ARHGEF16: variants seen among roughly 807,000 people sequenced by gnomAD.
The protein encoded by ARHGEF16 is Rho guanine exchange factor (GEF) 16.
ARHGEF16 carries 59 observed loss-of-function variants against 74.1 expected under a neutral mutation model. That is an observed-to-expected ratio of 0.80 (90% CI 0.65 to 0.99). The LOEUF is 0.99. Ranked by LOEUF, ARHGEF16 falls within the 50% of genes least tolerant of loss-of-function variation. ARHGEF16 has a pLI of 0.00. For missense variants in ARHGEF16, 948 were observed against 986.6 expected, an observed-to-expected ratio of 0.96 and a Z score of 0.52; for synonymous variants, 415 against 412.6, an observed-to-expected ratio of 1.01 and a Z score of -0.07.
intron 2 of ARHGEF16, among the ~76,000 whole-genome samples, chr1:3,465,506 A>C (rs1273856711): frequency 6.6e-6 from 1 of 152,172 alleles, no homozygotes; most frequent in African/African-American, 2.4e-5. Flanking sequence ...GTGCCAGGCC[A>C]GGTACAGCTG....
Position 3,478,530 on chromosome 1 carries a change from T to C in ARHGEF16, c.1732T>C (p.Ser578Pro). The change falls in exon 12 of 15, where the codon TCC becomes CCC. Residue 578 changes from serine (S) to proline (P), a missense_variant. By Grantham distance (74) the Ser-to-Pro change is moderately conservative (BLOSUM62 -1). Transcript: ENST00000378378. ...PLPGGGNRSSSVPHPFQVTLL... is the reference protein window; with the variant it reads ...PLPGGGNRSSPVPHPFQVTLL... ...GCCCGGGGGCGGCAACCGTAGCTCC[T>C]CCGTGCCCCACCCCTTCCAGGTGAC... 6.2e-7 allele frequency: 1 copy of C among 1,612,620 alleles called. No individual in the cohort carries two copies. The highest frequency in any genetic ancestry group is 8.5e-7 in the Non-Finnish European group (1 of 1,179,860).
At position 3,463,436 on chromosome 1, in the gene ARHGEF16, G is replaced by C. The variant is rs769511866; in HGVS notation, c.352G>C (p.Ala118Pro). Residue 118 changes from alanine (A) to proline (P), a missense_variant, in exon 2 of 15, where the codon GCC becomes CCC. Coordinates refer to ENST00000378378, the MANE Select transcript of ARHGEF16 (RefSeq NM_014448.4). ...FGAAVLSREA[A>P]RRDPKLLPAP... is the part of the protein sequence containing the mutation. ...GGCGGCTGTACTTAGCAGGGAGGCC[G>C]CCCGGCGGGACCCTAAGCTCCTCCC... The C allele has an allele frequency of 6.5e-7, 1 of 1,546,294 alleles. No homozygotes were observed. The highest frequency in any genetic ancestry group is 2.0e-5 in the Admixed American group (1 of 50,374).
intron 13 of ARHGEF16, 82 bp from the exon 14 acceptor site, chr1:3,479,730 G>C: frequency 4.0e-6 from 6 of 1,512,348 alleles, no homozygotes; most frequent in Non-Finnish European, 4.6e-6. Flanking sequence ...GGCCCCGGGG[G>C]ATGTGTCTGC....
chr1:3,465,628 T>C (rs1424856489), intron 2 of ARHGEF16, among the ~76,000 whole-genome samples: 1 of 152,184 alleles, frequency 6.6e-6, no homozygotes, highest in Non-Finnish European at 1.5e-5. Context: ...CAGGAAAGTG[T>C]GGTGTCCCAG....
chr1:3,464,599 C>G (rs557692126), intron 2 of ARHGEF16, among the ~76,000 whole-genome samples: 2 of 152,240 alleles, frequency 1.3e-5, no homozygotes, highest in Admixed American at 6.5e-5. Flanking sequence ...GGGCGTCCTT[C>G]TTGTTGGGCG....
At chr1:3,472,170 G>A (rs1158582436) in intron 6 of ARHGEF16, among the ~76,000 whole-genome samples, 1 of 152,218 alleles carries the variant, frequency 6.6e-6, no homozygotes, top group Non-Finnish European at 1.5e-5. Flanking sequence ...CTGGAGACAC[G>A]GATGTGGTCT....
rs189895149 is a variant in ARHGEF16 at position 3,462,760 on chromosome 1, A to G, written c.-19-306A>G. ...TCAGAGGAAGCAGTGTGGCCTCCCA[A>G]CCTCCAAGGTCCAGCCTACCCCCAT... On this transcript the variant is annotated intron_variant, in intron 1 of 14. Transcript: ENST00000378378. Among the ~76,000 whole-genome samples the G allele has an allele frequency of 8.2e-3, 1,246 of 152,036 alleles. 21 individuals carry two copies. The highest frequency in any genetic ancestry group is 0.029 in the African/African-American group (1,196 of 41,466).
In ARHGEF16 at chr1:3,473,246, C is replaced by T. The variant is rs780907692; in HGVS notation, c.1175+16C>T. 1.4e-5 allele frequency: 22 copies of T among 1,611,212 alleles called. No homozygotes were observed. Among genetic ancestry groups the T allele is most frequent in the African/African-American group, 6.7e-5 (5 of 74,938 alleles). On this transcript the variant is annotated intron_variant, in intron 7 of 14. Coordinates refer to ENST00000378378, the MANE Select transcript of ARHGEF16 (RefSeq NM_014448.4). ...AGAAGCTGATGTGAGTGGGCGGCCC[C>T]GAGGCCCGCAGGGTGGCTCAGGAGC...
rs548733258 is a variant in ARHGEF16, at chr1:3,457,658, A to G, written c.-20+2847A>G. On this transcript the variant is annotated intron_variant, in intron 1 of 14. Transcript: ENST00000378378. The stretch of plus-strand genomic sequence containing the variant: ...TCCAGCAGATCAGCCAAGGCCAAGT[A>G]CGGACAGGAACGGACAGGCTGGGCA... Among the ~76,000 whole-genome samples the G allele has an allele frequency of 3.3e-5, 5 of 152,356 alleles. No individual in the cohort carries two copies. In the East Asian group the frequency reaches 9.6e-4, roughly 29 times the overall value.
Position 3,480,900 on chromosome 1 carries a change from C to T in ARHGEF16, c.*313C>T, listed in dbSNP as rs1333762206. On this transcript the variant is annotated 3_prime_UTR_variant, in exon 15 of 15. Transcript: ENST00000378378. ...CCACTGCACCCAGGGGGCAACTCCA[C>T]CTGGACTGATGGGCACAGGAGGCAC... 1 of 450,638 alleles carries T rather than the reference C, an allele frequency of 2.2e-6. No individual in the cohort carries two copies. The highest frequency in any genetic ancestry group is 4.1e-5 in the East Asian group (1 of 24,218). The allele number at this position is 450,638 out of a possible 1,614,324, so 27.9% of individuals were successfully genotyped here.
chr1:3,471,776 A>C, intron 6 of ARHGEF16: 1 of 1,133,470 alleles, frequency 8.8e-7, no homozygotes, highest in Non-Finnish European at 1.1e-6. Context: ...TGTCTGGGGA[A>C]TCATCGCTAT....
intron 4 of ARHGEF16, chr1:3,468,549 C>T: frequency 2.6e-6 from 1 of 378,088 alleles, no homozygotes; most frequent in Non-Finnish European, 5.0e-6. Context: ...GTGGGCTCCG[C>T]ACCTCTCCAT....
rs141714525 is a variant in ARHGEF16 at position 3,480,435 on chromosome 1, T to C, written c.1991-13T>C. ...CTTCCCCTCACCTCCCTCCCACCCC[T>C]ATCCGGGTTCAGGGTGGCTCTATGG... On this transcript the variant is annotated splice_polypyrimidine_tract_variant and intron_variant, in intron 14 of 14. Transcript: ENST00000378378. The C allele has an allele frequency of 5.5e-4, 884 of 1,611,922 alleles. 5 individuals are homozygous for C. In the African/African-American group the frequency reaches 0.011, roughly 20 times the overall value.
intron 2 of ARHGEF16, among the ~76,000 whole-genome samples, chr1:3,465,512 A>G (rs947210188): frequency 6.6e-6 from 1 of 152,180 alleles, no homozygotes; most frequent in Non-Finnish European, 1.5e-5. Flanking sequence ...GGCCAGGTAC[A>G]GCTGGGAGCA....
At chr1:3,477,826 C>T (rs766834445) in intron 10 of ARHGEF16, 49 bp from the exon 11 acceptor site, 15 of 1,593,012 alleles carry the variant, frequency 9.4e-6, no homozygotes, top group Admixed American at 3.4e-5. Context: ...CGGCTCTGTC[C>T]CCCCCAGTCC....
chr1:3,472,771 T>G, intron 6 of ARHGEF16: 1 of 318,538 alleles, frequency 3.1e-6, no homozygotes. Context: ...TGGGCCCGCC[T>G]TTGGGGACAG....
intron 1 of ARHGEF16, among the ~76,000 whole-genome samples, chr1:3,456,363 G>A (rs539016191): frequency 6.6e-6 from 1 of 152,344 alleles, no homozygotes; most frequent in African/African-American, 2.4e-5. Context: ...CGCTCCCCGC[G>A]AGTTTGGGTC....
chr1:3,463,317 C>A lies in ARHGEF16; in HGVS notation c.233C>A (p.Pro78Gln). ...PWPIVLSTES[P>Q]AALKLGTQQL... ...CCCATCGTCCTGAGCACAGAGAGCC[C>A]GGCGGCCCTCAAGCTGGGCACCCAA... Residue 78 changes from proline (P) to glutamine (Q), a missense_variant, in exon 2 of 15, where the codon CCG becomes CAG. Transcript: ENST00000378378. 8.4e-6 allele frequency: 13 copies of A among 1,550,198 alleles called. No individual in the cohort carries two copies. Among genetic ancestry groups the A allele is most frequent in the Non-Finnish European group, 1.1e-5 (13 of 1,146,882 alleles).
chr1:3,477,914 C>G lies in ARHGEF16; in HGVS notation c.1513C>G (p.Arg505Gly). Residue 505 changes from arginine to glycine, a missense_variant, in exon 11 of 15, where the codon CGC becomes GGC. Transcript: ENST00000378378. ...CTCTGCCTCCCGGTGGCTGCTGAAG[C>G]GCGGAGAGCTGTTCTTAGTGGAAGA... ...LISASRWLLK[R>G]GELFLVEETG... is the part of the protein sequence containing the mutation. 6.2e-7 allele frequency: 1 copy of G among 1,612,662 alleles called. No individual in the cohort carries two copies. The highest frequency in any genetic ancestry group is 1.7e-4 in the Middle Eastern group (1 of 6,058).
Sources: gnomAD v4.1 joint callset for allele counts (sites outside exome capture counted in the v4.1 genomes callset) on GRCh38, gnomAD v4.1.1 for gene constraint, MANE v1.5 for transcripts, NCBI Gene and HGNC (gene_info 2026-07-23, HGNC 2026-07-21) for gene names.